Variants in FRMPD4 observed in about 807,000 individuals in gnomAD.
FRMPD4 encodes FERM and PDZ domain containing 4.
A neutral mutation model predicts 94.1 loss-of-function variants in FRMPD4; 22 were observed. The ratio of observed to expected loss-of-function variants is 0.23; its 90% CI spans 0.17 to 0.33. The LOEUF is 0.33. Among genes scored for constraint, FRMPD4 ranks in the 10% least tolerant of loss-of-function variants. FRMPD4 has a pLI of 1.00. For missense variants in FRMPD4, 1,111 were observed against 1,339.9 expected, an observed-to-expected ratio of 0.83 and a Z score of 2.67; for synonymous variants, 631 against 548.6, an observed-to-expected ratio of 1.15 and a Z score of -2.10.
upstream of FRMPD4, among the ~76,000 whole-genome samples, chrX:12,135,795 G>A (rs558369621): frequency 9.0e-6 from 1 of 111,425 alleles, no homozygotes; most frequent in South Asian, 3.8e-4. Flanking sequence ...GATAAATAGG[G>A]TAATCCTTTT....
intron 1 of FRMPD4, among the ~76,000 whole-genome samples, chrX:12,471,821 G>C (rs183300949): frequency 1.1e-3 from 128 of 112,157 alleles, no homozygotes; most frequent in Admixed American, 2.3e-3. Context: ...CTCACATCAT[G>C]TCTGCCAATG....
chrX:12,517,850 C>G (rs1056661832), intron 2 of FRMPD4, among the ~76,000 whole-genome samples: 2 of 113,041 alleles, frequency 1.8e-5, no homozygotes, highest in African/African-American at 3.2e-5. Context: ...CTCCCCTCCC[C>G]CAAGGGGCTC....
chrX:12,583,988 A>G (rs751191698), intron 2 of FRMPD4, among the ~76,000 whole-genome samples: 2 of 111,861 alleles, frequency 1.8e-5, no homozygotes, highest in South Asian at 7.6e-4. Flanking sequence ...CCTAAGGAGC[A>G]GGACCCGCGG....
At chrX:12,115,331 A>G (rs966371854) in intron 3 of FRMPD4, among the ~76,000 whole-genome samples, 3 of 111,325 alleles carry the variant, frequency 2.7e-5, no homozygotes, top group Admixed American at 1.9e-4. Context: ...GCACACACCA[A>G]CATGCTTGGC....
chrX:11,853,058 C>G (rs1373007776), intron 1 of FRMPD4, among the ~76,000 whole-genome samples: 1 of 112,062 alleles, frequency 8.9e-6, no homozygotes, highest in African/African-American at 3.2e-5. Context: ...GTCTCTCAGA[C>G]CACAGTGCAA....
intron 4 of FRMPD4, among the ~76,000 whole-genome samples, chrX:12,623,880 G>A (rs936155005): frequency 2.8e-4 from 31 of 112,018 alleles, no homozygotes; most frequent in African/African-American, 9.1e-4. Flanking sequence ...AGGAAGAACC[G>A]CCAACCAAGA....
intron 1 of FRMPD4, among the ~76,000 whole-genome samples, chrX:12,455,125 G>A (rs1425320798): frequency 9.1e-6 from 1 of 110,478 alleles, no homozygotes; most frequent in Admixed American, 9.7e-5. Flanking sequence ...GGGCATGCAG[G>A]AACTATTTAT....
intron 3 of FRMPD4, among the ~76,000 whole-genome samples, chrX:11,945,926 G>A (rs143334650): frequency 1.5e-3 from 165 of 111,914 alleles, no homozygotes; most frequent in Non-Finnish European, 2.4e-3. Context: ...GGCAGACTTC[G>A]GGGTCCATCC....
intron 1 of FRMPD4, among the ~76,000 whole-genome samples, chrX:12,471,123 C>T (rs1296379523): frequency 8.9e-6 from 1 of 111,869 alleles, no homozygotes; most frequent in Admixed American, 9.5e-5. Flanking sequence ...AGCACCTAGA[C>T]CTTCACAACA....
intron 2 of FRMPD4, among the ~76,000 whole-genome samples, chrX:12,500,508 C>T (rs1167517669): frequency 9.0e-6 from 1 of 110,780 alleles, no homozygotes; most frequent in Non-Finnish European, 1.9e-5. Flanking sequence ...GGACAGGACT[C>T]CCACCCCTTC....
At chrX:12,297,595 T>C (rs1339652199) in intron 1 of FRMPD4, among the ~76,000 whole-genome samples, 3 of 110,713 alleles carry the variant, frequency 2.7e-5, no homozygotes, top group Non-Finnish European at 5.7e-5. Flanking sequence ...ATATAAGAAA[T>C]TGTGGGAGAC....
chrX:12,336,808 G>C (rs147671882), intron 1 of FRMPD4, among the ~76,000 whole-genome samples: 18 of 112,366 alleles, frequency 1.6e-4, no homozygotes, highest in Non-Finnish European at 1.1e-4. Context: ...AAGCTTTTCT[G>C]TTTAGCTGCA....
chrX:12,534,077 CA>C (rs1316052841), intron 2 of FRMPD4, among the ~76,000 whole-genome samples: 1 of 112,736 alleles, frequency 8.9e-6, no homozygotes, highest in African/African-American at 3.2e-5. Context: ...GTGCTGTGTG[CA>C]GCCTAGTGAC....
At chrX:12,677,477 TAA>T (rs35199206) in intron 5 of FRMPD4, among the ~76,000 whole-genome samples, 5,853 of 98,690 alleles carry the variant, frequency 0.059, 297 homozygotes, top group East Asian at 0.23. Context: ...TTGCTTTTTG[TAA>T]AAAAAAAAAA....
At chrX:12,276,726 T>A (rs974727336) in intron 1 of FRMPD4, among the ~76,000 whole-genome samples, 2 of 111,807 alleles carry the variant, frequency 1.8e-5, no homozygotes, top group Non-Finnish European at 3.8e-5. Flanking sequence ...CAGGTTAAGT[T>A]TGGAATGCCC....
At chrX:12,360,476 CAT>C (rs1363741191) in intron 1 of FRMPD4, among the ~76,000 whole-genome samples, 4 of 110,949 alleles carry the variant, frequency 3.6e-5, no homozygotes, top group African/African-American at 1.3e-4. Flanking sequence ...CAAAACTAAA[CAT>C]GTAGGGGGAA....
Position 12,296,046 on chromosome X carries a change from C to A in FRMPD4, c.41+157034C>A, listed in dbSNP as rs900999069. Among the ~76,000 whole-genome samples, 3 of 110,743 alleles carry A rather than the reference C, an allele frequency of 2.7e-5. No homozygotes were observed. The East Asian group carries it at 8.5e-4, about 31-fold the overall frequency. On this transcript the variant is annotated intron_variant, in intron 1 of 16. Coordinates refer to ENST00000675598, the MANE Select transcript of FRMPD4 (RefSeq NM_001368397.1). Reference sequence around the variant, plus strand: ...GTGATGTAGGGTCCCTGATCTCTATCCCTGATCTCTATCCACTAGATGCCT... The same window carrying A: ...GTGATGTAGGGTCCCTGATCTCTATACCTGATCTCTATCCACTAGATGCCT...
rs763218616 is a variant in FRMPD4, at chrX:12,439,203, G to A, written c.42-59477G>A. Among the ~76,000 whole-genome samples the A allele has an allele frequency of 9.0e-5, 10 of 111,135 alleles. No homozygotes were observed. The East Asian group carries it at 1.4e-3, about 16-fold the overall frequency. On this transcript the variant is annotated intron_variant, in intron 1 of 16. Transcript: ENST00000675598. ...GTCCAGTAACCCAGTGTATGCAGCC[G>A]TTGCCTCACTCTCTTTGTGTCTTCC...
At chrX:11,949,804 A>G (rs868108962) in intron 3 of FRMPD4, among the ~76,000 whole-genome samples, 9 of 111,355 alleles carry the variant, frequency 8.1e-5, no homozygotes, top group African/African-American at 2.9e-4. Context: ...GAGTTGCCCG[A>G]TGGTTGAGAC....
Sources: allele counts gnomAD v4.1 joint callset (sites outside exome capture counted in the v4.1 genomes callset), GRCh38; gene constraint gnomAD v4.1.1; transcripts MANE v1.5; gene names NCBI Gene and HGNC (gene_info 2026-07-23, HGNC 2026-07-21).